The following SCEL variants were observed in gnomAD, a reference collection of about 807,000 sequenced individuals.
The protein encoded by SCEL is sciellin.
Under a neutral mutation model 117.6 loss-of-function variants are expected in SCEL, and 113 were observed. That is an observed-to-expected ratio of 0.96 (90% CI 0.83 to 1.12). SCEL has a LOEUF of 1.12. SCEL is among the 50% of genes most tolerant of loss of function. SCEL has a pLI of 0.00. For missense variants in SCEL, 785 were observed against 810.8 expected (o/e 0.97, Z 0.39); for synonymous variants, 270 against 256.2 (o/e 1.05, Z -0.51).
At chr13:77,538,825 A>G (rs963330445) in intron 1 of SCEL, among the ~76,000 whole-genome samples, 1 of 152,196 alleles carries the variant, frequency 6.6e-6, no homozygotes, top group African/African-American at 2.4e-5. Context: ...CGTATCCTTC[A>G]TATGAAGCCT....
intron 1 of SCEL, among the ~76,000 whole-genome samples, chr13:77,553,183 C>A (rs1049139853): frequency 1.8e-4 from 27 of 152,158 alleles, no homozygotes; most frequent in African/African-American, 6.5e-4. Context: ...ACCCAGGGAG[C>A]ACCTACTCTC....
intron 1 of SCEL, among the ~76,000 whole-genome samples, chr13:77,544,337 A>G (rs2083882795): frequency 6.6e-6 from 1 of 151,980 alleles, no homozygotes; most frequent in African/African-American, 2.4e-5. Flanking sequence ...TTCTTTGTTC[A>G]CACAATCTTT....
intron 9 of SCEL, among the ~76,000 whole-genome samples, chr13:77,584,451 G>T (rs1023048636): frequency 1.3e-5 from 2 of 152,192 alleles, no homozygotes; most frequent in African/African-American, 4.8e-5. Context: ...GCTTTTCTTG[G>T]CCTTCATAAC....
At chr13:77,603,375 T>G (rs2087860192) in intron 18 of SCEL, among the ~76,000 whole-genome samples, 1 of 152,126 alleles carries the variant, frequency 6.6e-6, no homozygotes, top group African/African-American at 2.4e-5. Flanking sequence ...GTCTTCAGAG[T>G]AAGTGACTGA....
chr13:77,593,284 GTGTGTGTGTGTGTC>G (rs1417122937), intron 11 of SCEL, among the ~76,000 whole-genome samples: 1 of 117,982 alleles, frequency 8.5e-6, no homozygotes, highest in Non-Finnish European at 1.7e-5. Flanking sequence ...GTGTGTGTGT[GTGTGTGTGTGTGTC>G]TGTGTGTGTG....
chr13:77,610,364 A>T (rs577721279), intron 22 of SCEL, among the ~76,000 whole-genome samples: 1 of 151,950 alleles, frequency 6.6e-6, no homozygotes, highest in South Asian at 2.1e-4. Flanking sequence ...AGGCAGGAGA[A>T]TGACATGAAC....
Position 77,572,183 on chromosome 13 carries a change from G to T in SCEL, c.539G>T (p.Arg180Met). Reference protein sequence around the residue: ...GYNASSSTGTRRREPGVHPPI... With the variant: ...GYNASSSTGTMRREPGVHPPI... ...AATGCCTCCTCGAGCACAGGAACCA[G>T]GAGACGGTAAGGGAAAGGTGTCAGG... Residue 180 changes from arginine to methionine, a missense_variant, in exon 9 of 33, where the codon AGG becomes ATG. Physicochemically the swap from Arg to Met is moderately conservative, Grantham distance 91. Transcript: ENST00000349847. The T allele has an allele frequency of 1.9e-6, 3 of 1,611,262 alleles. No individual in the cohort carries two copies. In the South Asian group the frequency reaches 3.3e-5, roughly 18 times the overall value.
chr13:77,604,163 A>C, intron 18 of SCEL, 193 bp from the exon 19 acceptor site: 1 of 395,616 alleles, frequency 2.5e-6, no homozygotes, highest in Non-Finnish European at 4.4e-6. Flanking sequence ...TTTATTACTA[A>C]CAAATAAGCA....
intron 1 of SCEL, among the ~76,000 whole-genome samples, chr13:77,549,335 G>C (rs2084170719): frequency 6.6e-6 from 1 of 152,090 alleles, no homozygotes; most frequent in Non-Finnish European, 1.5e-5. Flanking sequence ...TTACCTGTTA[G>C]CCATTTGTAT....
At chr13:77,591,012 A>C (rs2086835406) in intron 10 of SCEL, among the ~76,000 whole-genome samples, 1 of 152,142 alleles carries the variant, frequency 6.6e-6, no homozygotes, top group African/African-American at 2.4e-5. Flanking sequence ...ATAGTATTCA[A>C]ATGGGATAAT....
At position 77,637,151 on chromosome 13, in the gene SCEL, A is replaced by G. The variant is rs771278337; in HGVS notation, c.1795A>G (p.Ile599Val). 3 of 1,559,952 alleles carry G rather than the reference A, an allele frequency of 1.9e-6. No homozygotes were observed. The highest frequency in any genetic ancestry group is 1.4e-5 in the African/African-American group (1 of 72,154). The change falls in exon 30 of 33, where the codon ATC becomes GTC. Residue 599 changes from isoleucine to valine, a missense_variant. Transcript: ENST00000349847. ...ACCCAAGGATGGATATCAGGAGAAT[A>G]TCTCTGGAAAATACATACAAACTGT... ...KSPKDGYQEN[I>V]SGKYIQTVYS...
At chr13:77,572,964 C>T (rs1593982703) in intron 9 of SCEL, among the ~76,000 whole-genome samples, 1 of 152,226 alleles carries the variant, frequency 6.6e-6, no homozygotes, top group Admixed American at 6.5e-5. Context: ...TGCCTCCAGG[C>T]TGTGCAGAAC....
Position 77,627,928 on chromosome 13 carries a change from T to A in SCEL, c.1629-19T>A. 1 of 1,049,174 alleles carries A rather than the reference T, an allele frequency of 9.5e-7. No individual in the cohort carries two copies. 65.0% of individuals were successfully genotyped at this position (1,049,174 alleles called of 1,614,324 possible). On this transcript the variant is annotated intron_variant, in intron 27 of 32. Transcript: ENST00000349847. ...TCATTATGTTGTAATTATTCATATA[T>A]ATATATTTTTTTCCTTAGAGACCAG...
intron 8 of SCEL, among the ~76,000 whole-genome samples, chr13:77,570,906 C>T (rs940191966): frequency 6.6e-6 from 1 of 151,320 alleles, no homozygotes; most frequent in African/African-American, 2.4e-5. Flanking sequence ...AATTTCGGCT[C>T]ACTGCAACCT....
At chr13:77,608,008 C>T (rs745927713) in intron 19 of SCEL, 48 bp from the exon 20 acceptor site, 5 of 1,398,158 alleles carry the variant, frequency 3.6e-6, no homozygotes, top group Non-Finnish European at 5.0e-6. Flanking sequence ...TGTCAGTCTA[C>T]CATTGTTACG....
intron 17 of SCEL, 138 bp downstream of exon 17, chr13:77,602,851 T>C (rs2087814803): frequency 1.4e-6 from 1 of 714,224 alleles, no homozygotes; most frequent in African/African-American, 1.8e-5. Context: ...CTTCAAAGAA[T>C]CTACAGTATA....
chr13:77,537,411 A>G (rs1353553563), intron 1 of SCEL, among the ~76,000 whole-genome samples: 1 of 152,228 alleles, frequency 6.6e-6, no homozygotes, highest in Non-Finnish European at 1.5e-5. Flanking sequence ...GCTTTTTATC[A>G]TAAAATATGT....
At chr13:77,621,468 GC>G (rs1259899274) in intron 27 of SCEL, among the ~76,000 whole-genome samples, 2 of 152,222 alleles carry the variant, frequency 1.3e-5, no homozygotes, top group African/African-American at 2.4e-5. Flanking sequence ...GCTCTGGGAA[GC>G]CCCCCTGACC....
intron 28 of SCEL, among the ~76,000 whole-genome samples, chr13:77,631,359 C>G (rs1035757557): frequency 1.3e-5 from 2 of 152,118 alleles, no homozygotes; most frequent in Non-Finnish European, 2.9e-5. Flanking sequence ...ACAAAGACTT[C>G]CAGACTATCA....
Sources: allele counts gnomAD v4.1 joint callset (sites outside exome capture counted in the v4.1 genomes callset), GRCh38; gene constraint gnomAD v4.1.1; transcripts MANE v1.5; gene names NCBI Gene and HGNC (gene_info 2026-07-23, HGNC 2026-07-21).